Variants in CDH13 observed in about 807,000 individuals in gnomAD.
CDH13 encodes cadherin-13.
A neutral mutation model predicts 63.8 loss-of-function variants in CDH13; 24 were observed. That is an observed-to-expected ratio of 0.38 (90% confidence interval 0.27 to 0.53). CDH13 has a LOEUF of 0.53. Ranked by LOEUF, CDH13 falls within the 20% of genes least tolerant of loss-of-function variation. The pLI, the probability that CDH13 is intolerant of heterozygous loss-of-function variation, is 0.85. For missense variants in CDH13, 1,049 were observed against 903.1 expected (o/e 1.16, Z -2.07); for synonymous variants, 503 against 355.3 (o/e 1.42, Z -4.67).
At chr16:83,201,612 C>T (rs1340762426) in intron 4 of CDH13, among the ~76,000 whole-genome samples, 3 of 151,846 alleles carry the variant, frequency 2.0e-5, no homozygotes, top group East Asian at 1.9e-4. Context: ...GATTGAGTAA[C>T]GTTGGCTGGG....
At chr16:83,257,783 C>T (rs988828149) in intron 5 of CDH13, among the ~76,000 whole-genome samples, 7 of 152,282 alleles carry the variant, frequency 4.6e-5, no homozygotes, top group East Asian at 1.9e-4. Context: ...TGTATATACC[C>T]AGTGATGGGA....
intron 1 of CDH13, among the ~76,000 whole-genome samples, chr16:82,707,893 C>G (rs2031617864): frequency 6.6e-6 from 1 of 151,674 alleles, no homozygotes. Context: ...AGGGAAAGAC[C>G]AAGCTTCCAT....
intron 7 of CDH13, among the ~76,000 whole-genome samples, chr16:83,505,158 T>A (rs1490317584): frequency 6.6e-6 from 1 of 152,220 alleles, no homozygotes; most frequent in African/African-American, 2.4e-5. Context: ...TTGGTGCTCT[T>A]ATTTCCACAT....
At chr16:83,514,558 T>G (rs1012956100) in intron 7 of CDH13, among the ~76,000 whole-genome samples, 1 of 152,224 alleles carries the variant, frequency 6.6e-6, no homozygotes, top group South Asian at 2.1e-4. Context: ...GGCATGGGAA[T>G]TGCTTGAACC....
intron 8 of CDH13, among the ~76,000 whole-genome samples, chr16:83,626,635 C>A (rs556299937): frequency 6.6e-6 from 1 of 151,984 alleles, no homozygotes; most frequent in South Asian, 2.1e-4. Context: ...CTGAACTCAA[C>A]GTTGTCCTCT....
chr16:83,061,569 C>T (rs572759204), intron 3 of CDH13, among the ~76,000 whole-genome samples: 1 of 152,172 alleles, frequency 6.6e-6, no homozygotes, highest in Non-Finnish European at 1.5e-5. Context: ...CTCCTATGTC[C>T]TGAATGACCA....
chr16:83,426,225 T>G (rs17287857), intron 6 of CDH13, among the ~76,000 whole-genome samples: 1 of 152,150 alleles, frequency 6.6e-6, no homozygotes, highest in Non-Finnish European at 1.5e-5. Flanking sequence ...CCCTAATGCA[T>G]TGAGATTCTA....
At chr16:82,782,778 C>T (rs1449065511) in intron 1 of CDH13, among the ~76,000 whole-genome samples, 4 of 152,174 alleles carry the variant, frequency 2.6e-5, no homozygotes, top group African/African-American at 9.7e-5. Flanking sequence ...CTTACTCCCG[C>T]TGCTGGTGAA....
intron 2 of CDH13, among the ~76,000 whole-genome samples, chr16:82,941,199 A>G (rs1415818473): frequency 6.6e-6 from 1 of 152,234 alleles, no homozygotes; most frequent in East Asian, 1.9e-4. Flanking sequence ...TTCATTAACC[A>G]TTGAATATTT....
chr16:83,532,616 T>C (rs1487902446), intron 7 of CDH13, among the ~76,000 whole-genome samples: 2 of 152,244 alleles, frequency 1.3e-5, no homozygotes, highest in African/African-American at 4.8e-5. Context: ...TCTCCTCAAG[T>C]AGCCTATCAG....
intron 3 of CDH13, among the ~76,000 whole-genome samples, chr16:83,035,668 C>T (rs895042115): frequency 2.0e-5 from 3 of 152,084 alleles, no homozygotes; most frequent in African/African-American, 4.8e-5. Context: ...AAGGACGGGT[C>T]ATTGTGCATA....
chr16:82,767,966 C>T (rs909442226), intron 1 of CDH13, among the ~76,000 whole-genome samples: 4 of 152,028 alleles, frequency 2.6e-5, no homozygotes, highest in South Asian at 2.1e-4. Flanking sequence ...CAAAGAGAAA[C>T]GAAGAGTGAG....
At chr16:83,046,157 A>C (rs537413133) in intron 3 of CDH13, among the ~76,000 whole-genome samples, 1 of 152,280 alleles carries the variant, frequency 6.6e-6, no homozygotes, top group South Asian at 2.1e-4. Context: ...AATAAATAGA[A>C]ACCTCTTTTC....
chr16:83,019,621 G>A (rs995537901), intron 2 of CDH13, among the ~76,000 whole-genome samples: 22 of 149,862 alleles, frequency 1.5e-4, no homozygotes, highest in African/African-American at 3.7e-4. Flanking sequence ...CAAGCATCCC[G>A]GTTAGTTGGG....
chr16:83,285,091 G>A (rs902083507), intron 5 of CDH13, among the ~76,000 whole-genome samples: 1 of 152,114 alleles, frequency 6.6e-6, no homozygotes, highest in African/African-American at 2.4e-5. Flanking sequence ...ATTTTGGAAC[G>A]GCTTTTTAAC....
At chr16:82,628,016 G>T (rs1282188766) in intron 1 of CDH13, among the ~76,000 whole-genome samples, 1 of 152,250 alleles carries the variant, frequency 6.6e-6, no homozygotes, top group African/African-American at 2.4e-5. Context: ...AGGAGAGGGG[G>T]CGAGGGAGAT....
chr16:83,017,960 A>G (rs1393753012), intron 2 of CDH13, among the ~76,000 whole-genome samples: 1 of 152,244 alleles, frequency 6.6e-6, no homozygotes, highest in African/African-American at 2.4e-5. Context: ...AGGTTGGGAA[A>G]CAAGCCCAGC....
chr16:83,517,145 G>A (rs933562131), intron 7 of CDH13, among the ~76,000 whole-genome samples: 1 of 152,200 alleles, frequency 6.6e-6, no homozygotes, highest in African/African-American at 2.4e-5. Context: ...TAGCATAAAA[G>A]GAAGCTCAAC....
At chr16:83,141,659 C>G (rs1377796484) in intron 4 of CDH13, among the ~76,000 whole-genome samples, 3 of 152,112 alleles carry the variant, frequency 2.0e-5, no homozygotes, top group Admixed American at 6.5e-5. Flanking sequence ...CTAATGCTCT[C>G]TCTCCTTTTG....
Sources: gnomAD v4.1 joint callset for allele counts (sites outside exome capture counted in the v4.1 genomes callset) on GRCh38, gnomAD v4.1.1 for gene constraint, MANE v1.5 for transcripts, NCBI Gene and HGNC (gene_info 2026-07-23, HGNC 2026-07-21) for gene names.